The following LYN variants were observed in gnomAD, a reference collection of about 807,000 sequenced individuals.
LYN encodes the protein tyrosine-protein kinase Lyn.
In LYN, 12 loss-of-function variants were observed where a neutral mutation model predicts 65.0. That is an observed-to-expected ratio of 0.18 (90% CI 0.12 to 0.30). The LOEUF is 0.30. Ranked by LOEUF, LYN falls within the 10% of genes least tolerant of loss-of-function variation. LYN has a pLI of 1.00. For missense variants in LYN, 380 were observed against 623.2 expected (o/e 0.61, Z 4.16); for synonymous variants, 222 against 221.2 (o/e 1.00, Z -0.03).
chr8:55,911,568 C>T (rs1016239258), intron 1 of LYN, among the ~76,000 whole-genome samples: 15 of 151,908 alleles, frequency 9.9e-5, no homozygotes, highest in African/African-American at 3.6e-4. Flanking sequence ...TGTACATTCA[C>T]TACTTGGTGG....
intron 1 of LYN, among the ~76,000 whole-genome samples, chr8:55,917,174 T>TAAA (rs776843044): frequency 1.5e-5 from 2 of 135,626 alleles, no homozygotes; most frequent in Non-Finnish European, 3.2e-5. Context: ...AGATTCTGTC[T>TAAA]AAAAAAAAAA....
intron 7 of LYN, among the ~76,000 whole-genome samples, chr8:55,953,591 T>C (rs1807014514): frequency 6.6e-6 from 1 of 151,974 alleles, no homozygotes; most frequent in Non-Finnish European, 1.5e-5. Flanking sequence ...GAGGTTGCAG[T>C]GAGCCAAGAT....
intron 1 of LYN, among the ~76,000 whole-genome samples, chr8:55,922,410 T>G (rs1465812443): frequency 6.6e-6 from 1 of 151,346 alleles, no homozygotes; most frequent in African/African-American, 2.4e-5. Flanking sequence ...TTTTAAAGCC[T>G]GGTTCTATGT....
In LYN at chr8:55,939,711, A is replaced by G. The variant is rs116956032; in HGVS notation, c.-5-2144A>G. 3.5e-3 allele frequency among the ~76,000 whole-genome samples: 538 copies of G among 152,172 alleles called. 4 individuals are homozygous for G. The highest frequency in any genetic ancestry group is 6.4e-3 in the Non-Finnish European group (435 of 68,006). On this transcript the variant is annotated intron_variant, in intron 1 of 12. Transcript: ENST00000519728. ...AGGGTCCTCGTGCTGCTATTAACGT[A>G]TTTGCCCATTTGTAAAGCACGATTT... is the stretch of plus-strand genomic sequence containing the variant.
chr8:55,917,306 C>T (rs1425827409), intron 1 of LYN, among the ~76,000 whole-genome samples: 1 of 152,176 alleles, frequency 6.6e-6, no homozygotes, highest in Admixed American at 6.5e-5. Context: ...CCGCCTCAGC[C>T]TCCCAAGTAG....
At chr8:55,979,624 G>A (rs772648066) in intron 10 of LYN, among the ~76,000 whole-genome samples, 2 of 152,180 alleles carry the variant, frequency 1.3e-5, no homozygotes, top group Non-Finnish European at 2.9e-5. Flanking sequence ...TGACTGAAAT[G>A]TGTATTCTGA....
rs183915683 is a variant in LYN at position 55,949,736 on chromosome 8, T to G, written c.285-723T>G. 3.0e-4 allele frequency among the ~76,000 whole-genome samples: 45 copies of G among 152,338 alleles called. No homozygotes were observed. In the East Asian group the frequency reaches 6.8e-3, roughly 23 times the overall value. On this transcript the variant is annotated intron_variant, in intron 4 of 12. Coordinates refer to ENST00000519728, the MANE Select transcript of LYN (RefSeq NM_002350.4). ...ACCCTCACTCCTGGCTTCTTTTCTT[T>G]GTCTCTCTCTCTCTCTTTTTAATAG...
intron 8 of LYN, chr8:55,955,213 G>C (rs532031914): frequency 6.6e-6 from 1 of 152,224 alleles, no homozygotes; most frequent in Admixed American, 6.6e-5. Flanking sequence ...ACTTTCTCCT[G>C]TTGGCCCCTC....
chr8:55,950,194 C>T (rs1452619253), intron 4 of LYN, among the ~76,000 whole-genome samples: 1 of 152,172 alleles, frequency 6.6e-6, no homozygotes, highest in Non-Finnish European at 1.5e-5. Context: ...GTTGTTTCTA[C>T]TTTTTGCTTT....
At chr8:55,965,189 G>T (rs1388388495) in intron 8 of LYN, among the ~76,000 whole-genome samples, 1 of 152,238 alleles carries the variant, frequency 6.6e-6, no homozygotes, top group Non-Finnish European at 1.5e-5. Flanking sequence ...TCCCAGAAGG[G>T]TGGTGCCTCG....
intron 8 of LYN, 139 bp from the exon 9 acceptor site, chr8:55,966,576 C>A: frequency 1.6e-6 from 1 of 624,224 alleles, no homozygotes; most frequent in Non-Finnish European, 2.7e-6. Context: ...CTGTTTTAGC[C>A]AGGCTGGTTT....
Position 55,909,036 on chromosome 8 carries a change from CACACACACACACACA to C in LYN, c.-6+28934_-6+28948del, listed in dbSNP as rs1464898510. Among the ~76,000 whole-genome samples, 439 of 44,142 alleles carry C rather than the reference CACACACACACACACA, an allele frequency of 9.9e-3. 39 individuals carry two copies. Among genetic ancestry groups the C allele is most frequent in the African/African-American group, 0.02 (245 of 12,128 alleles). 29.0% of individuals were successfully genotyped at this position (44,142 alleles called of 152,430 possible). ...ACACACACACACACACACACACACA[CACACACACACACACA>C]CCCCACATTTTCTTTACTTTTATTT... On this transcript the variant is annotated intron_variant, in intron 1 of 12. Coordinates refer to ENST00000519728, the MANE Select transcript of LYN (RefSeq NM_002350.4).
chr8:55,907,345 A>G (rs1381739502), intron 1 of LYN, among the ~76,000 whole-genome samples: 1 of 152,208 alleles, frequency 6.6e-6, no homozygotes, highest in African/African-American at 2.4e-5. Context: ...CATTATTTTC[A>G]ATAAAATAAG....
chr8:55,958,310 C>G (rs1424113270), intron 8 of LYN, among the ~76,000 whole-genome samples: 1 of 152,080 alleles, frequency 6.6e-6, no homozygotes. Flanking sequence ...TCAGGTGGTG[C>G]CTAGGAGAAA....
At chr8:55,924,653 C>T (rs538924182) in intron 1 of LYN, among the ~76,000 whole-genome samples, 1 of 152,048 alleles carries the variant, frequency 6.6e-6, no homozygotes, top group Non-Finnish European at 1.5e-5. Flanking sequence ...CATGAGCCAC[C>T]GCGCCCAGCT....
chr8:56,006,537 G>A (rs1808678605), intron 12 of LYN, among the ~76,000 whole-genome samples: 1 of 152,090 alleles, frequency 6.6e-6, no homozygotes, highest in African/African-American at 2.4e-5. Flanking sequence ...TTACCAACTT[G>A]TAGTCTCTGC....
At chr8:56,000,589 G>A (rs769066575) in intron 12 of LYN, among the ~76,000 whole-genome samples, 9 of 151,706 alleles carry the variant, frequency 5.9e-5, no homozygotes, top group Non-Finnish European at 8.8e-5. Flanking sequence ...TTAGCTGGGC[G>A]TAGTGGTGGG....
chr8:55,917,922 A>G (rs986467065), intron 1 of LYN, among the ~76,000 whole-genome samples: 3 of 152,264 alleles, frequency 2.0e-5, no homozygotes, highest in African/African-American at 7.2e-5. Flanking sequence ...TGTTGTATTC[A>G]TAGAAGTTCT....
rs1433130309 is a variant in LYN, at chr8:56,010,634, A to G, written c.*524A>G. 4.3e-6 allele frequency: 1 copy of G among 233,600 alleles called. No individual in the cohort carries two copies. Among genetic ancestry groups the G allele is most frequent in the African/African-American group, 2.2e-5 (1 of 45,130 alleles). The allele number at this position is 233,600 out of a possible 1,614,324, so 14.5% of individuals were successfully genotyped here. ...TGCAGGTGAAGTCAGCAGCTTAAAA[A>G]TGTCTTTCCCAGATTTCAATGATTT... On this transcript the variant is annotated 3_prime_UTR_variant, in exon 13 of 13. Transcript: ENST00000519728.
Sources: allele counts gnomAD v4.1 joint callset (sites outside exome capture counted in the v4.1 genomes callset), GRCh38; gene constraint gnomAD v4.1.1; transcripts MANE v1.5; gene names NCBI Gene and HGNC (gene_info 2026-07-23, HGNC 2026-07-21).